The following GALNT7 variants were observed in gnomAD, a reference collection of about 807,000 sequenced individuals.
GALNT7 encodes the protein polypeptide N-acetylgalactosaminyltransferase 7.
A neutral mutation model predicts 82.1 loss-of-function variants in GALNT7; 60 were observed. That is an observed-to-expected ratio of 0.73 (90% CI 0.59 to 0.91). GALNT7 has a LOEUF of 0.91. Ranked by LOEUF, GALNT7 falls within the 40% of genes least tolerant of loss-of-function variation. The pLI, the probability that GALNT7 is intolerant of heterozygous loss-of-function variation, is 0.00. For synonymous variants in GALNT7, 243 were observed against 275.1 expected (o/e 0.88, Z 1.15); for missense variants, 660 against 804.2 (o/e 0.82, Z 2.17).
At chr4:173,235,349 C>T (rs980647378) in intron 1 of GALNT7, among the ~76,000 whole-genome samples, 1 of 152,206 alleles carries the variant, frequency 6.6e-6, no homozygotes, top group African/African-American at 2.4e-5. Context: ...TCTTCAGCCT[C>T]ACCTTGCCCC....
chr4:173,292,258 C>T lies in GALNT7; in HGVS notation c.738C>T (p.Asp246=), dbSNP rs756667225. 5.6e-5 allele frequency: 88 copies of T among 1,566,026 alleles called. No homozygotes were observed. The highest frequency in any genetic ancestry group is 5.4e-4 in the South Asian group (45 of 82,816). The part of the protein sequence containing the change: ...RKYLAEIVLI[D]DFSNKEHLKE... Reference sequence around the variant, plus strand: ...ATTTAGCAGAAATTGTGTTAATTGACGATTTCAGTAATAAAGGTAATGGCT... The same window carrying T: ...ATTTAGCAGAAATTGTGTTAATTGATGATTTCAGTAATAAAGGTAATGGCT... Residue 246 remains aspartate, a synonymous_variant, in exon 3 of 12, where the codon GAC becomes GAT. Transcript: ENST00000265000. The surrounding 1 kb of genome is among the most constrained non-coding windows in gnomAD (Gnocchi z 4.8).
chr4:173,236,764 C>G (rs1239198132), intron 1 of GALNT7, among the ~76,000 whole-genome samples: 2 of 152,250 alleles, frequency 1.3e-5, no homozygotes, highest in South Asian at 2.1e-4. Flanking sequence ...CAGGCATTCC[C>G]TTCCTCCAGG....
chr4:173,317,413 C>T (rs547347827), intron 9 of GALNT7: 5 of 436,608 alleles, frequency 1.1e-5, no homozygotes, highest in Non-Finnish European at 2.1e-5. Context: ...ATGTATAGTC[C>T]TTTGCTCTTA....
chr4:173,298,509 C>T (rs1203173554), intron 6 of GALNT7: 3 of 423,396 alleles, frequency 7.1e-6, no homozygotes, highest in African/African-American at 2.1e-5. Flanking sequence ...ACTACTGAGA[C>T]GTACACACTT....
At chr4:173,291,271 C>A (rs1401885723) in intron 2 of GALNT7, among the ~76,000 whole-genome samples, 3 of 152,196 alleles carry the variant, frequency 2.0e-5, no homozygotes, top group African/African-American at 7.2e-5. Flanking sequence ...CCTCACCCAT[C>A]TAAAATTAGG....
chr4:173,175,231 A>C (rs1487329439), intron 1 of GALNT7, among the ~76,000 whole-genome samples: 1 of 152,274 alleles, frequency 6.6e-6, no homozygotes, highest in Non-Finnish European at 1.5e-5. Context: ...TAAAGATTTC[A>C]GTAATAACAG....
At chr4:173,190,568 A>C (rs1325518954) in intron 1 of GALNT7, among the ~76,000 whole-genome samples, 1 of 152,162 alleles carries the variant, frequency 6.6e-6, no homozygotes, top group East Asian at 1.9e-4. Context: ...ATCTTATCCA[A>C]ACATGAATTT....
intron 1 of GALNT7, among the ~76,000 whole-genome samples, chr4:173,239,808 A>AC: frequency 6.6e-6 from 1 of 152,220 alleles, no homozygotes; most frequent in Non-Finnish European, 1.5e-5. Context: ...GTAATTTACC[A>AC]TGATGCCTTT....
chr4:173,312,166 G>A (rs938417454), intron 8 of GALNT7, among the ~76,000 whole-genome samples: 7 of 152,164 alleles, frequency 4.6e-5, no homozygotes, highest in African/African-American at 1.7e-4. Flanking sequence ...ATTTGCTGAT[G>A]CATGATGTAC....
At chr4:173,220,454 G>A (rs2126687501) in intron 1 of GALNT7, among the ~76,000 whole-genome samples, 1 of 152,106 alleles carries the variant, frequency 6.6e-6, no homozygotes, top group South Asian at 2.1e-4. Context: ...CTTTTGCTTA[G>A]TCTTGCATTG....
intron 1 of GALNT7, among the ~76,000 whole-genome samples, chr4:173,224,876 G>A (rs369115969): frequency 1.4e-4 from 21 of 151,846 alleles, no homozygotes; most frequent in African/African-American, 2.2e-4. Flanking sequence ...TTAGCCAGGC[G>A]TGGTGGCGCG....
intron 2 of GALNT7, among the ~76,000 whole-genome samples, chr4:173,285,312 T>C (rs1736283868): frequency 6.6e-6 from 1 of 152,228 alleles, no homozygotes; most frequent in South Asian, 2.1e-4. Context: ...GCCTGGTAAG[T>C]TGTTTTAATT....
chr4:173,310,728 A>ATGT lies in GALNT7; in HGVS notation c.1390-3210_1390-3208dup, dbSNP rs767076130. On this transcript the variant is annotated intron_variant, in intron 8 of 11. Coordinates refer to ENST00000265000, the MANE Select transcript of GALNT7 (RefSeq NM_017423.3). ...GACTATATCCTCATCTAATTTTTTT[A>ATGT]TGTTGTTGTTGTTGTTGTTGTTTTG... Among the ~76,000 whole-genome samples, 231 of 151,872 alleles carry ATGT rather than the reference A, an allele frequency of 1.5e-3. 1 individual carries two copies. The highest frequency in any genetic ancestry group is 4.8e-3 in the African/African-American group (200 of 41,448).
intron 1 of GALNT7, among the ~76,000 whole-genome samples, chr4:173,187,595 A>G (rs1249554879): frequency 2.0e-5 from 3 of 152,200 alleles, no homozygotes; most frequent in Non-Finnish European, 4.4e-5. Flanking sequence ...TAGAAGAGCA[A>G]CTATTTTGTG....
chr4:173,301,707 GTGTT>G (rs1186196076), intron 6 of GALNT7, among the ~76,000 whole-genome samples: 1 of 152,236 alleles, frequency 6.6e-6, no homozygotes, highest in Non-Finnish European at 1.5e-5. Flanking sequence ...GTATGGCTCA[GTGTT>G]TTTAAGAGTG....
At chr4:173,274,136 T>C (rs781390463) in intron 2 of GALNT7, among the ~76,000 whole-genome samples, 7 of 152,224 alleles carry the variant, frequency 4.6e-5, no homozygotes, top group Non-Finnish European at 2.9e-5. Flanking sequence ...CAAGAACATA[T>C]GTCCAGTCCT....
At chr4:173,279,200 G>C (rs1736021634) in intron 2 of GALNT7, among the ~76,000 whole-genome samples, 1 of 152,162 alleles carries the variant, frequency 6.6e-6, no homozygotes, top group Admixed American at 6.5e-5. Flanking sequence ...CCTGGCTTTG[G>C]GGGAGGCCTC....
At chr4:173,245,360 G>A (rs1276134375) in intron 1 of GALNT7, among the ~76,000 whole-genome samples, 10 of 152,130 alleles carry the variant, frequency 6.6e-5, no homozygotes, top group East Asian at 1.9e-4. Flanking sequence ...AAACTATGGC[G>A]TGTATTTCAC....
intron 1 of GALNT7, among the ~76,000 whole-genome samples, chr4:173,229,575 C>T (rs953996567): frequency 1.3e-5 from 2 of 152,144 alleles, no homozygotes; most frequent in African/African-American, 4.8e-5. Context: ...TTGAATCCTA[C>T]CTTTACTGCC....
Sources: allele counts gnomAD v4.1 joint callset (sites outside exome capture counted in the v4.1 genomes callset), GRCh38; gene constraint gnomAD v4.1.1; non-coding constraint Gnocchi (gnomAD v3.1); transcripts MANE v1.5; gene names NCBI Gene and HGNC (gene_info 2026-07-23, HGNC 2026-07-21).